RASA3: variants seen among roughly 807,000 people sequenced by gnomAD.
RASA3 encodes the protein ras GTPase-activating protein 3.
RASA3 carries 73 observed loss-of-function variants against 110.0 expected under a neutral mutation model. The observed-to-expected ratio is 0.66, with a 90% confidence interval of 0.55 to 0.81. The LOEUF is 0.81. Ranked by LOEUF, RASA3 falls within the 30% of genes least tolerant of loss-of-function variation. The pLI is 0.00. For synonymous variants in RASA3, 500 were observed against 451.4 expected (o/e 1.11, Z -1.37); for missense variants, 976 against 1,113.2 (o/e 0.88, Z 1.75).
In RASA3 at chr13:114,056,573, C is replaced by T; in HGVS notation, c.174-4418G>A. ...AGTGGCTCCTCTCTCTGTAACTCTGCTTGGCAGTGGGGGGCTCGGTGGGGG... is the reference window on the plus strand; with the variant it reads ...AGTGGCTCCTCTCTCTGTAACTCTGTTTGGCAGTGGGGGGCTCGGTGGGGG... On this transcript the variant is annotated intron_variant, in intron 2 of 23. Coordinates refer to ENST00000334062, the MANE Select transcript of RASA3 (RefSeq NM_007368.4). This position sits in a 1 kb window ranked among gnomAD's most constrained non-coding sequence, Gnocchi z 5.7. 1.0e-6 allele frequency: 1 copy of T among 984,834 alleles called. No homozygotes were observed. Among genetic ancestry groups the T allele is most frequent in the African/African-American group, 1.8e-5 (1 of 57,134 alleles). The allele number at this position is 984,834 out of a possible 1,614,324, so 61.0% of individuals were successfully genotyped here.
intron 1 of RASA3, among the ~76,000 whole-genome samples, chr13:114,101,754 C>T (rs932105923): frequency 6.6e-6 from 1 of 152,158 alleles, no homozygotes; most frequent in Non-Finnish European, 1.5e-5. Flanking sequence ...TGGCTGCACC[C>T]GGGGTCCTGG....
chr13:114,082,013 C>A lies in RASA3; in HGVS notation c.56-8176G>T, dbSNP rs117396155. On this transcript the variant is annotated intron_variant, in intron 1 of 23. Transcript: ENST00000334062. Reference sequence around the variant, plus strand: ...CACAGGACAAATGCCTGGACCCCACCCAGAGATTGCCATTCTTTGACTAGG... The same window carrying A: ...CACAGGACAAATGCCTGGACCCCACACAGAGATTGCCATTCTTTGACTAGG... Among the ~76,000 whole-genome samples, 1,264 of 152,354 alleles carry A rather than the reference C, an allele frequency of 8.3e-3. 11 individuals carry two copies. The highest frequency in any genetic ancestry group is 0.013 in the Non-Finnish European group (855 of 68,030).
At chr13:114,024,969 G>A (rs866544499) in intron 7 of RASA3, among the ~76,000 whole-genome samples, 2 of 152,326 alleles carry the variant, frequency 1.3e-5, no homozygotes, top group South Asian at 4.2e-4. Flanking sequence ...ACCGCCCCCC[G>A]CCAGCCAGCA....
chr13:114,066,546 G>A (rs1566545281), intron 2 of RASA3, among the ~76,000 whole-genome samples: 1 of 152,228 alleles, frequency 6.6e-6, no homozygotes, highest in Non-Finnish European at 1.5e-5. Context: ...TCAGGGCCAG[G>A]AGGCTCCTGC....
chr13:114,066,102 C>T lies in RASA3; in HGVS notation c.173+7618G>A, dbSNP rs115138490. Among the ~76,000 whole-genome samples the T allele has an allele frequency of 5.7e-3, 873 of 152,228 alleles. 1 individual carries two copies. The highest frequency in any genetic ancestry group is 0.017 in the African/African-American group (696 of 41,532). ...CCACACACCACTGCACGCAGCACCC[C>T]GGGACACTGTGGCCTCGGCTCCCGC... On this transcript the variant is annotated intron_variant, in intron 2 of 23. Transcript: ENST00000334062.
At chr13:114,079,332 G>A (rs953070916) in intron 1 of RASA3, among the ~76,000 whole-genome samples, 2 of 152,202 alleles carry the variant, frequency 1.3e-5, no homozygotes, top group African/African-American at 4.8e-5. Flanking sequence ...ATGGTCCAGC[G>A]AAAGCAACCC....
intron 3 of RASA3, among the ~76,000 whole-genome samples, chr13:114,044,731 G>T (rs2079024282): frequency 1.3e-5 from 2 of 150,994 alleles, no homozygotes; most frequent in South Asian, 4.2e-4. Flanking sequence ...ACTGAGTTGG[G>T]CAATATATTT....
chr13:114,019,176 C>T lies in RASA3; in HGVS notation c.786-257G>A, dbSNP rs115143271. ...AACGCGGAGGGGGATGGGGGTGGAA[C>T]GTGGCAGGAACGGGTTTCCGGGAAC... On this transcript the variant is annotated intron_variant, in intron 9 of 23. Transcript: ENST00000334062. Among the ~76,000 whole-genome samples, 416 of 152,232 alleles carry T rather than the reference C, an allele frequency of 2.7e-3. 3 individuals are homozygous for T. The highest frequency in any genetic ancestry group is 9.4e-3 in the African/African-American group (390 of 41,532).
chr13:114,019,034 G>T, intron 9 of RASA3, 115 bp from the exon 10 acceptor site: 1 of 1,333,670 alleles, frequency 7.5e-7, no homozygotes, highest in Non-Finnish European at 1.0e-6. Context: ...TGATCCTGTA[G>T]GACCCCTCAG....
chr13:114,042,640 T>C (rs761120180), intron 3 of RASA3, among the ~76,000 whole-genome samples: 3 of 152,226 alleles, frequency 2.0e-5, no homozygotes, highest in Non-Finnish European at 4.4e-5. Flanking sequence ...CCGGCCACCC[T>C]GCCTCACGCC....
intron 22 of RASA3, among the ~76,000 whole-genome samples, chr13:113,989,271 T>A (rs533587174): frequency 3.1e-4 from 41 of 133,816 alleles, no homozygotes; most frequent in African/African-American, 1.2e-3. Context: ...CATCCACCCA[T>A]CACTCACCCA....
chr13:114,078,649 C>T (rs898678173), intron 1 of RASA3, among the ~76,000 whole-genome samples: 3 of 152,196 alleles, frequency 2.0e-5, no homozygotes, highest in African/African-American at 4.8e-5. Flanking sequence ...AGCATAACAC[C>T]GCAAAACCTG....
At chr13:113,983,080 C>T (rs558009466) in intron 22 of RASA3, among the ~76,000 whole-genome samples, 6 of 147,466 alleles carry the variant, frequency 4.1e-5, no homozygotes, top group South Asian at 2.3e-4. Flanking sequence ...GGGTGCTGGG[C>T]GAAGGCTGAA....
At chr13:114,131,765 TACAC>T (rs1453192002) in intron 1 of RASA3, among the ~76,000 whole-genome samples, 3 of 143,290 alleles carry the variant, frequency 2.1e-5, no homozygotes, top group African/African-American at 5.3e-5. Flanking sequence ...CACACACAAA[TACAC>T]ACGCGCGCAC....
chr13:114,018,693 G>C, intron 10 of RASA3, 70 bp downstream of exon 10: 1 of 1,570,902 alleles, frequency 6.4e-7, no homozygotes, highest in South Asian at 1.2e-5. Flanking sequence ...GGTGGGCCCG[G>C]GTGTAGGGTG....
chr13:113,991,880 CCACACA>C (rs761045021), intron 22 of RASA3, among the ~76,000 whole-genome samples: 1 of 152,134 alleles, frequency 6.6e-6, no homozygotes, highest in Admixed American at 6.5e-5. Context: ...TCACGTGTCC[CCACACA>C]CACATGCTCA....
At chr13:114,076,952 T>A (rs555917094) in intron 1 of RASA3, among the ~76,000 whole-genome samples, 1 of 152,360 alleles carries the variant, frequency 6.6e-6, no homozygotes, top group East Asian at 1.9e-4. Context: ...TTTGTTTTTG[T>A]CTTTGGGAGT....
chr13:114,087,399 TG>T (rs2079834218), intron 1 of RASA3, among the ~76,000 whole-genome samples: 2 of 152,220 alleles, frequency 1.3e-5, no homozygotes, highest in Admixed American at 6.5e-5. Context: ...GGATTCTGAA[TG>T]GGGGCTGTGT....
At chr13:113,997,144 T>C (rs1198639881) in intron 20 of RASA3, among the ~76,000 whole-genome samples, 1 of 152,208 alleles carries the variant, frequency 6.6e-6, no homozygotes, top group Non-Finnish European at 1.5e-5. Context: ...GTGCTCGTGC[T>C]GTGTCAGCCC....
Sources: gnomAD v4.1 joint callset for allele counts (sites outside exome capture counted in the v4.1 genomes callset) on GRCh38, gnomAD v4.1.1 for gene constraint, Gnocchi (gnomAD v3.1) non-coding constraint, MANE v1.5 for transcripts, NCBI Gene and HGNC (gene_info 2026-07-23, HGNC 2026-07-21) for gene names.